EPHA6: variants seen among roughly 807,000 people sequenced by gnomAD.
EPHA6 encodes EPH receptor A6.
A neutral mutation model predicts 112.0 loss-of-function variants in EPHA6; 50 were observed. The ratio of observed to expected loss-of-function variants is 0.45; its 90% CI spans 0.36 to 0.56. The LOEUF is 0.56. Among genes scored for constraint, EPHA6 ranks in the 20% least tolerant of loss-of-function variants. The pLI is 0.00. For synonymous variants in EPHA6, 529 were observed against 490.7 expected (o/e 1.08, Z -1.03); for missense variants, 1,280 against 1,417.4 (o/e 0.90, Z 1.56).
chr3:97,420,126 T>A (rs1272395996), intron 6 of EPHA6, among the ~76,000 whole-genome samples: 2 of 152,172 alleles, frequency 1.3e-5, no homozygotes, highest in Non-Finnish European at 2.9e-5. Flanking sequence ...CATTTGTTTA[T>A]TTGTGTATTC....
chr3:96,829,195 C>A (rs2033858896), intron 1 of EPHA6, among the ~76,000 whole-genome samples: 1 of 151,984 alleles, frequency 6.6e-6, no homozygotes, highest in South Asian at 2.1e-4. Flanking sequence ...TATGAAAGTT[C>A]CTTTTTAAAA....
intron 11 of EPHA6, among the ~76,000 whole-genome samples, chr3:97,575,095 T>TGA (rs1403875298): frequency 6.6e-6 from 1 of 152,018 alleles, no homozygotes; most frequent in Non-Finnish European, 1.5e-5. Flanking sequence ...CTGAAGAGAG[T>TGA]GATACTATCT....
chr3:97,473,639 G>T (rs2091290525), intron 7 of EPHA6, among the ~76,000 whole-genome samples: 1 of 151,748 alleles, frequency 6.6e-6, no homozygotes, highest in African/African-American at 2.4e-5. Flanking sequence ...AATGCCATCT[G>T]CTTTATCTTC....
intron 5 of EPHA6, among the ~76,000 whole-genome samples, chr3:97,400,670 A>G (rs2109105008): frequency 1.3e-5 from 2 of 151,674 alleles, no homozygotes; most frequent in East Asian, 3.9e-4. Flanking sequence ...TAGATATGAT[A>G]TTTATTTATT....
chr3:96,817,165 C>G (rs572904431), intron 1 of EPHA6, among the ~76,000 whole-genome samples: 1 of 151,948 alleles, frequency 6.6e-6, no homozygotes, highest in Non-Finnish European at 1.5e-5. Context: ...TTCAAAAGAA[C>G]ATTATAATCA....
intron 2 of EPHA6, among the ~76,000 whole-genome samples, chr3:96,880,516 TC>T (rs143186948): frequency 0.01 from 1,587 of 151,940 alleles, 26 homozygotes; most frequent in African/African-American, 0.036. Context: ...GCTAATATTT[TC>T]CCCCCTTTTA....
chr3:97,124,529 C>G (rs950606208), intron 3 of EPHA6, among the ~76,000 whole-genome samples: 2 of 146,540 alleles, frequency 1.4e-5, no homozygotes, highest in African/African-American at 5.4e-5. Flanking sequence ...CCTGGATTAT[C>G]TTTCTCAATT....
At chr3:97,486,799 C>T (rs547206327) in intron 10 of EPHA6, among the ~76,000 whole-genome samples, 2 of 152,274 alleles carry the variant, frequency 1.3e-5, no homozygotes, top group East Asian at 3.9e-4. Context: ...GAAGTGTGAA[C>T]GTATTCCATA....
At chr3:97,615,055 A>G (rs9853125) in intron 13 of EPHA6, among the ~76,000 whole-genome samples, 43,760 of 151,984 alleles carry the variant, frequency 0.29, 8,631 homozygotes, top group African/African-American at 0.51. Flanking sequence ...CTTCAACTGA[A>G]ACATCCAGTA....
chr3:97,096,725 A>G (rs1370789591), intron 3 of EPHA6, among the ~76,000 whole-genome samples: 1 of 151,936 alleles, frequency 6.6e-6, no homozygotes, highest in Non-Finnish European at 1.5e-5. Flanking sequence ...AGTTTTGAAT[A>G]ATAAGGAGTG....
intron 5 of EPHA6, among the ~76,000 whole-genome samples, chr3:97,356,624 A>G (rs566460814): frequency 6.6e-6 from 1 of 152,192 alleles, no homozygotes; most frequent in East Asian, 1.9e-4. Context: ...TTCTGTTGTT[A>G]TTGATGTATA....
At chr3:97,162,063 A>T (rs2108401825) in intron 3 of EPHA6, among the ~76,000 whole-genome samples, 1 of 152,296 alleles carries the variant, frequency 6.6e-6, no homozygotes, top group East Asian at 1.9e-4. Flanking sequence ...CCACATCTGC[A>T]GCAGCTGCAA....
At chr3:97,367,107 T>G (rs1423773448) in intron 5 of EPHA6, among the ~76,000 whole-genome samples, 2 of 152,200 alleles carry the variant, frequency 1.3e-5, no homozygotes, top group Admixed American at 1.3e-4. Flanking sequence ...TGTGTCTTAC[T>G]CCAGGACCCA....
intron 2 of EPHA6, among the ~76,000 whole-genome samples, chr3:96,945,287 C>T (rs1291973366): frequency 2.0e-5 from 3 of 152,046 alleles, no homozygotes; most frequent in African/African-American, 7.2e-5. Flanking sequence ...GTCTGTTTTC[C>T]TGTATAGACC....
chr3:97,607,536 A>G (rs2093689049), intron 12 of EPHA6, among the ~76,000 whole-genome samples: 1 of 151,234 alleles, frequency 6.6e-6, no homozygotes, highest in Non-Finnish European at 1.5e-5. Flanking sequence ...AAATATTCAT[A>G]AGCATTTCTG....
intron 5 of EPHA6, among the ~76,000 whole-genome samples, chr3:97,318,411 C>G (rs1470528818): frequency 1.3e-5 from 2 of 152,000 alleles, no homozygotes; most frequent in Non-Finnish European, 2.9e-5. Flanking sequence ...TGGTGCCCAC[C>G]TATCGAACTC....
At chr3:97,426,171 T>A (rs1295161594) in intron 6 of EPHA6, among the ~76,000 whole-genome samples, 8 of 152,220 alleles carry the variant, frequency 5.3e-5, no homozygotes, top group Non-Finnish European at 1.2e-4. Flanking sequence ...ATTTACTGTA[T>A]TAGTCTATTC....
At chr3:97,088,176 T>C (rs2046960378) in intron 3 of EPHA6, among the ~76,000 whole-genome samples, 1 of 151,988 alleles carries the variant, frequency 6.6e-6, no homozygotes. Flanking sequence ...CAAGACTCCA[T>C]CTAAAAAATT....
chr3:97,123,385 A>G (rs2048097067), intron 3 of EPHA6, among the ~76,000 whole-genome samples: 1 of 152,058 alleles, frequency 6.6e-6, no homozygotes, highest in Non-Finnish European at 1.5e-5. Flanking sequence ...TTCTGCCTTA[A>G]GCAGCAGTCC....
Sources: allele counts gnomAD v4.1 joint callset (sites outside exome capture counted in the v4.1 genomes callset), GRCh38; gene constraint gnomAD v4.1.1; transcripts MANE v1.5; gene names NCBI Gene and HGNC (gene_info 2026-07-23, HGNC 2026-07-21).